PDE4D: variants seen among roughly 807,000 people sequenced by gnomAD.
PDE4D encodes the protein 3',5'-cyclic-AMP phosphodiesterase 4D.
In PDE4D, 24 loss-of-function variants were observed where a neutral mutation model predicts 87.4. The observed-to-expected ratio is 0.27, with a 90% CI of 0.20 to 0.39. The LOEUF is 0.39. PDE4D is among the 10% of genes least tolerant of loss of function. The pLI, the probability that PDE4D is intolerant of heterozygous loss-of-function variation, is 1.00. For synonymous variants in PDE4D, 384 were observed against 383.2 expected, an observed-to-expected ratio of 1.00 and a Z score of -0.02; for missense variants, 714 against 1,041.0, an observed-to-expected ratio of 0.69 and a Z score of 4.32.
chr5:59,149,392 A>G (rs890239086), intron 5 of PDE4D, among the ~76,000 whole-genome samples: 3 of 152,150 alleles, frequency 2.0e-5, no homozygotes, highest in African/African-American at 4.8e-5. Context: ...TTTCTCCAAG[A>G]GCCATTACAG....
chr5:59,549,324 G>A (rs1334949723), intron 1 of PDE4D, among the ~76,000 whole-genome samples: 1 of 152,046 alleles, frequency 6.6e-6, no homozygotes, highest in African/African-American at 2.4e-5. Flanking sequence ...TCACAACAAG[G>A]TACTAAATAA....
chr5:60,213,628 T>A (rs1446321152), intron 1 of PDE4D, among the ~76,000 whole-genome samples: 2 of 152,146 alleles, frequency 1.3e-5, no homozygotes, highest in Non-Finnish European at 2.9e-5. Context: ...CAGAATAAAT[T>A]TTTTTTAAAC....
chr5:59,425,255 AT>A (rs773340472), intron 1 of PDE4D, among the ~76,000 whole-genome samples: 6 of 152,220 alleles, frequency 3.9e-5, no homozygotes, highest in Non-Finnish European at 7.3e-5. Flanking sequence ...TACCTAAAAA[AT>A]ATCAATCATC....
intron 3 of PDE4D, among the ~76,000 whole-genome samples, chr5:59,916,165 T>C (rs1181317432): frequency 2.0e-5 from 3 of 152,184 alleles, no homozygotes; most frequent in Non-Finnish European, 4.4e-5. Flanking sequence ...AAAAGGACAA[T>C]GGTGGCCCTC....
chr5:59,471,481 A>G (rs1400959426), intron 1 of PDE4D, among the ~76,000 whole-genome samples: 1 of 152,274 alleles, frequency 6.6e-6, no homozygotes. Flanking sequence ...TTAAAACATC[A>G]TCTATATCTT....
At chr5:60,415,421 G>A (rs986297487) in intron 1 of PDE4D, among the ~76,000 whole-genome samples, 1 of 152,254 alleles carries the variant, frequency 6.6e-6, no homozygotes, top group Non-Finnish European at 1.5e-5. Context: ...GCCAAGGCCG[G>A]AGCCGGCGCC....
chr5:59,001,790 A>G (rs147607704), intron 6 of PDE4D, among the ~76,000 whole-genome samples: 31 of 152,326 alleles, frequency 2.0e-4, no homozygotes, highest in Middle Eastern at 3.4e-3. Flanking sequence ...ACATTTTTCT[A>G]TTTAAAGTAG....
chr5:59,968,996 C>A (rs1354356409), intron 3 of PDE4D, among the ~76,000 whole-genome samples: 2 of 133,270 alleles, frequency 1.5e-5, no homozygotes, highest in Admixed American at 7.9e-5. Context: ...AAGGCACCCC[C>A]CCCCCGAAAA....
intron 1 of PDE4D, among the ~76,000 whole-genome samples, chr5:59,504,455 A>G (rs1180360361): frequency 6.6e-6 from 1 of 152,184 alleles, no homozygotes; most frequent in Non-Finnish European, 1.5e-5. Flanking sequence ...GTACCAATCA[A>G]TATAAACACG....
At chr5:60,436,787 A>T (rs10045433) in intron 1 of PDE4D, among the ~76,000 whole-genome samples, 4 of 151,952 alleles carry the variant, frequency 2.6e-5, no homozygotes, top group Non-Finnish European at 5.9e-5. Context: ...GAAGCATGAA[A>T]TTAGGCTCAA....
chr5:59,784,985 C>T (rs773927368), intron 1 of PDE4D, among the ~76,000 whole-genome samples: 6 of 152,114 alleles, frequency 3.9e-5, no homozygotes, highest in African/African-American at 1.4e-4. Flanking sequence ...TGAGGCCTCC[C>T]CAGTCACGTG....
chr5:59,141,517 G>A (rs947797972), intron 5 of PDE4D, among the ~76,000 whole-genome samples: 7 of 152,184 alleles, frequency 4.6e-5, no homozygotes, highest in Non-Finnish European at 1.0e-4. Context: ...AGTAAATGTG[G>A]TTAAGAGCCA....
At chr5:60,208,558 T>C (rs974571249) in intron 1 of PDE4D, among the ~76,000 whole-genome samples, 1 of 152,016 alleles carries the variant, frequency 6.6e-6, no homozygotes, top group Non-Finnish European at 1.5e-5. Context: ...AGAGGTGTCA[T>C]GAAAAAGGCA....
At chr5:59,923,452 G>A (rs1307841829) in intron 3 of PDE4D, among the ~76,000 whole-genome samples, 2 of 152,196 alleles carry the variant, frequency 1.3e-5, no homozygotes, top group Admixed American at 6.5e-5. Context: ...CATCCCAGTG[G>A]TGGTGGCCAC....
chr5:59,768,757 T>A, intron 1 of PDE4D: 1 of 857,342 alleles, frequency 1.2e-6, no homozygotes, highest in Non-Finnish European at 1.7e-6. Context: ...CAAGCTCGCA[T>A]AGCAAATGAA....
chr5:59,301,677 T>TGG (rs1770277364), intron 1 of PDE4D, among the ~76,000 whole-genome samples: 1 of 151,510 alleles, frequency 6.6e-6, no homozygotes, highest in African/African-American at 2.4e-5. Context: ...GAAGGGAAAG[T>TGG]GGGGGAGAGA....
intron 1 of PDE4D, among the ~76,000 whole-genome samples, chr5:59,580,537 G>A (rs1259274149): frequency 2.6e-5 from 4 of 151,858 alleles, no homozygotes; most frequent in Non-Finnish European, 5.9e-5. Flanking sequence ...CATGATCATG[G>A]CTTATCGTAG....
intron 1 of PDE4D, among the ~76,000 whole-genome samples, chr5:59,731,224 T>C (rs1264307643): frequency 6.8e-6 from 1 of 146,814 alleles, no homozygotes; most frequent in Non-Finnish European, 1.5e-5. Flanking sequence ...TGGGTTTATA[T>C]AAGCTGAGGA....
chr5:59,136,436 C>T lies in PDE4D; in HGVS notation c.808+44159G>A, dbSNP rs114862033. ...ACAAAGATGTTCAGGCACAAGGATG[C>T]CTGCAGTGTTATTTGTATTAATTGT... On this transcript the variant is annotated intron_variant, in intron 5 of 14. Transcript: ENST00000340635. Among the ~76,000 whole-genome samples the T allele has an allele frequency of 4.3e-3, 649 of 152,210 alleles. 11 individuals are homozygous for T. Among genetic ancestry groups the T allele is most frequent in the African/African-American group, 0.015 (615 of 41,518 alleles).
Sources: gnomAD v4.1 joint callset for allele counts (sites outside exome capture counted in the v4.1 genomes callset) on GRCh38, gnomAD v4.1.1 for gene constraint, MANE v1.5 for transcripts, NCBI Gene and HGNC (gene_info 2026-07-23, HGNC 2026-07-21) for gene names.